The following DHX30 variants were observed in gnomAD, a reference collection of about 807,000 sequenced individuals.
The protein encoded by DHX30 is DExH-box helicase 30.
DHX30 carries 4 observed loss-of-function variants against 116.9 expected under a neutral mutation model. The ratio of observed to expected loss-of-function variants is 0.03; its 90% confidence interval spans 0.02 to 0.08. DHX30 has a LOEUF of 0.08. DHX30 is among the 10% of genes least tolerant of loss of function. The pLI is 1.00. For missense variants in DHX30, 871 were observed against 1,595.1 expected, an observed-to-expected ratio of 0.55 and a Z score of 7.73; for synonymous variants, 697 against 651.7, an observed-to-expected ratio of 1.07 and a Z score of -1.06.
At chr3:47,831,612 CTG>C (rs1007311858) in intron 6 of DHX30, among the ~76,000 whole-genome samples, 1 of 151,802 alleles carries the variant, frequency 6.6e-6, no homozygotes, top group Non-Finnish European at 1.5e-5. Flanking sequence ...AAACAGCTCT[CTG>C]TGCTTGTATT....
At chr3:47,828,410 T>C (rs1341640366) in intron 5 of DHX30, among the ~76,000 whole-genome samples, 3 of 143,056 alleles carry the variant, frequency 2.1e-5, no homozygotes, top group Non-Finnish European at 4.5e-5. Flanking sequence ...CAGTAAGCTG[T>C]GATCGTGCCA....
chr3:47,834,689 A>T (rs903658173), intron 6 of DHX30, among the ~76,000 whole-genome samples: 2 of 151,900 alleles, frequency 1.3e-5, no homozygotes, highest in Admixed American at 6.6e-5. Context: ...TGAACTCCTG[A>T]GCTCAAGCAA....
chr3:47,811,211 C>G (rs1309674831), intron 3 of DHX30, among the ~76,000 whole-genome samples: 3 of 152,070 alleles, frequency 2.0e-5, no homozygotes, highest in Non-Finnish European at 4.4e-5. Context: ...ACCTCGGCCT[C>G]CCAAAGTGCT....
At chr3:47,825,732 C>T (rs2036523522) in intron 4 of DHX30, among the ~76,000 whole-genome samples, 1 of 152,094 alleles carries the variant, frequency 6.6e-6, no homozygotes, top group Admixed American at 6.5e-5. Flanking sequence ...CCAGCCTCCA[C>T]CAACCTTATA....
chr3:47,804,032 A>G (rs1223284901), intron 1 of DHX30, among the ~76,000 whole-genome samples: 1 of 152,362 alleles, frequency 6.6e-6, no homozygotes, highest in African/African-American at 2.4e-5. Context: ...CTTATGGGCC[A>G]GAGTGAAATG....
At position 47,823,504 on chromosome 3, in the gene DHX30, C is replaced by T. The variant is rs200086027; in HGVS notation, c.125-3843C>T. 6.6e-5 allele frequency among the ~76,000 whole-genome samples: 10 copies of T among 152,100 alleles called. No homozygotes were observed. The East Asian group carries it at 1.7e-3, about 27-fold the overall frequency. On this transcript the variant is annotated intron_variant, in intron 4 of 21. Transcript: ENST00000445061. ...TCAGCCTCCCAAGTAGCTGGGACTACAGGCGCGTGCCACCATGCCCAGCTA... is the reference window on the plus strand; with the variant it reads ...TCAGCCTCCCAAGTAGCTGGGACTATAGGCGCGTGCCACCATGCCCAGCTA...
chr3:47,822,526 C>G (rs2036342570), intron 4 of DHX30, among the ~76,000 whole-genome samples: 1 of 152,194 alleles, frequency 6.6e-6, no homozygotes, highest in Non-Finnish European at 1.5e-5. Flanking sequence ...TTAACTCATG[C>G]CTGTAATCCC....
rs1412122093 is a variant in DHX30, at chr3:47,824,763, A to G, written c.125-2584A>G. On this transcript the variant is annotated intron_variant, in intron 4 of 21. Coordinates refer to ENST00000445061, the MANE Select transcript of DHX30 (RefSeq NM_138615.3). Reference sequence around the variant, plus strand: ...AAGGCCTAGCATTATTTTCCCCCCAACAGCCTCATTCCATCTTCCTGCCTT... The same window carrying G: ...AAGGCCTAGCATTATTTTCCCCCCAGCAGCCTCATTCCATCTTCCTGCCTT... 1.9e-5 allele frequency: 7 copies of G among 373,068 alleles called. No homozygotes were observed. The Admixed American group carries it at 2.4e-4, about 13-fold the overall frequency. The allele number at this position is 373,068 out of a possible 1,614,324, so 23.1% of individuals were successfully genotyped here. A position where few individuals can be genotyped will look rare whatever the true frequency, so the allele number is the denominator to read the frequency against.
rs1486577063 is a variant in DHX30 at position 47,848,519 on chromosome 3, G to A, written c.2544G>A (p.Val848=). 1 of 1,614,066 alleles carries A rather than the reference G, an allele frequency of 6.2e-7. No homozygotes were observed. Among genetic ancestry groups the A allele is most frequent in the Non-Finnish European group, 8.5e-7 (1 of 1,180,000 alleles). ...KAVDSPNIKA[V]DEAVILLQEI... is the part of the protein sequence containing the mutation. ...TGGACAGTCCAAACATCAAGGCAGT[G>A]GACGAGGCTGTGATCTTGCTCCAGG... The change falls in exon 16 of 22, where the codon GTG becomes GTA. Residue 848 remains valine, a synonymous_variant. Transcript: ENST00000445061. The surrounding 1 kb of genome is among the most constrained non-coding windows in gnomAD (Gnocchi z 9.4).
Position 47,840,622 on chromosome 3 carries a change from C to T in DHX30, c.367-255C>T, listed in dbSNP as rs189298393. ...CTGCACTCCAGTCTGGGTGACAGAG[C>T]GAGACCCTGTGTCAAAAAAACAAAA... On this transcript the variant is annotated intron_variant, in intron 6 of 21. Transcript: ENST00000445061. 4.0e-3 allele frequency among the ~76,000 whole-genome samples: 604 copies of T among 152,042 alleles called. 6 individuals carry two copies. Among genetic ancestry groups the T allele is most frequent in the African/African-American group, 0.013 (547 of 41,488 alleles).
intron 6 of DHX30, among the ~76,000 whole-genome samples, chr3:47,836,819 T>C (rs537068212): frequency 3.3e-5 from 5 of 152,306 alleles, no homozygotes; most frequent in South Asian, 4.1e-4. Flanking sequence ...CCTAGTTGTT[T>C]TTGTTTTTTT....
chr3:47,841,551 G>A (rs908536350), intron 7 of DHX30, 66 bp from the exon 8 acceptor site: 13 of 1,608,040 alleles, frequency 8.1e-6, no homozygotes, highest in African/African-American at 2.7e-5. Flanking sequence ...CCCCTACATC[G>A]CAGAGCCTCA....
chr3:47,826,893 C>T (rs2036577465), intron 4 of DHX30, among the ~76,000 whole-genome samples: 1 of 152,140 alleles, frequency 6.6e-6, no homozygotes, highest in Non-Finnish European at 1.5e-5. Context: ...GGCCAGGTCT[C>T]TCGTGTGTGT....
At chr3:47,838,618 G>A (rs1220448266) in intron 6 of DHX30, among the ~76,000 whole-genome samples, 1 of 152,230 alleles carries the variant, frequency 6.6e-6, no homozygotes, top group East Asian at 1.9e-4. Flanking sequence ...GGGATTGAAA[G>A]CTCACTGTAG....
At chr3:47,824,105 C>T (rs772828078) in intron 4 of DHX30, among the ~76,000 whole-genome samples, 11 of 148,388 alleles carry the variant, frequency 7.4e-5, no homozygotes, top group Non-Finnish European at 1.2e-4. Flanking sequence ...TGGGTTCAAG[C>T]GATTCTCCTG....
rs1249372759 is a variant in DHX30, at chr3:47,845,675, C to G, written c.940-25C>G. On this transcript the variant is annotated intron_variant, in intron 9 of 21. Transcript: ENST00000445061. The stretch of plus-strand genomic sequence containing the variant: ...TTTTTGGGGAGCCCCAGAGCATAGA[C>G]TGAGTCTTGCATGTCCCCCTGCAGA... 45 of 1,562,136 alleles carry G rather than the reference C, an allele frequency of 2.9e-5. 1 individual carries two copies. The highest frequency in any genetic ancestry group is 3.8e-5 in the Non-Finnish European group (43 of 1,143,632).
chr3:47,841,129 T>A lies in DHX30; in HGVS notation c.619T>A (p.Phe207Ile). The change falls in exon 7 of 22, where the codon TTC becomes ATC. Residue 207 changes from phenylalanine (F) to isoleucine (I), a missense_variant. Physicochemically the swap from Phe to Ile is conservative, Grantham distance 21. Transcript: ENST00000445061. ...AGAAGGGACCATAGATGTTACCGAC[T>A]TCTTGTCCATGACCCAGCAGGATTC... Reference protein sequence around the residue: ...LEEGTIDVTDFLSMTQQDSHA... With the variant: ...LEEGTIDVTDILSMTQQDSHA... The A allele has an allele frequency of 6.2e-7, 1 of 1,614,188 alleles. No individual in the cohort carries two copies. Among genetic ancestry groups the A allele is most frequent in the Non-Finnish European group, 8.5e-7 (1 of 1,180,040 alleles).
intron 5 of DHX30, among the ~76,000 whole-genome samples, chr3:47,828,745 G>T (rs1389616074): frequency 6.6e-6 from 1 of 151,266 alleles, no homozygotes; most frequent in African/African-American, 2.4e-5. Context: ...AAAAAAAGAT[G>T]AAGATGGATC....
At chr3:47,813,550 C>G (rs2106951077) in intron 3 of DHX30, among the ~76,000 whole-genome samples, 1 of 152,200 alleles carries the variant, frequency 6.6e-6, no homozygotes, top group East Asian at 1.9e-4. Context: ...TTTTTTTCTT[C>G]AAGAGACTGA....
Sources: allele counts gnomAD v4.1 joint callset (sites outside exome capture counted in the v4.1 genomes callset), GRCh38; gene constraint gnomAD v4.1.1; non-coding constraint Gnocchi (gnomAD v3.1); transcripts MANE v1.5; gene names NCBI Gene and HGNC (gene_info 2026-07-23, HGNC 2026-07-21).